DENND2B: variants seen among roughly 807,000 people sequenced by gnomAD.
The protein encoded by DENND2B is DENN domain containing 2B, also known as DENN domain-containing protein 2B.
Under a neutral mutation model 116.0 loss-of-function variants are expected in DENND2B, and 32 were observed. The observed-to-expected ratio is 0.28, with a 90% CI of 0.21 to 0.37. The LOEUF is 0.37. Ranked by LOEUF, DENND2B falls within the 10% of genes least tolerant of loss-of-function variation. DENND2B has a pLI of 1.00. For synonymous variants in DENND2B, 588 were observed against 583.9 expected (o/e 1.01, Z -0.10); for missense variants, 1,276 against 1,477.7 (o/e 0.86, Z 2.24).
At chr11:8,859,376 C>G (rs948842064) in intron 2 of DENND2B, among the ~76,000 whole-genome samples, 2 of 151,836 alleles carry the variant, frequency 1.3e-5, no homozygotes, top group African/African-American at 4.8e-5. Flanking sequence ...GGCGCGATCT[C>G]GGCTCACTGC....
chr11:8,895,409 A>G (rs1366420254), intron 1 of DENND2B: 2 of 152,336 alleles, frequency 1.3e-5, no homozygotes, highest in East Asian at 3.9e-4. Context: ...AAATTTTAAA[A>G]AAAATGGATG....
At chr11:8,784,764 G>A (rs542772780) in intron 1 of DENND2B, among the ~76,000 whole-genome samples, 7 of 151,874 alleles carry the variant, frequency 4.6e-5, no homozygotes, top group African/African-American at 1.7e-4. Context: ...CTTGAACCTG[G>A]GAGGTGGAGG....
rs1367610451 is a variant in DENND2B, at chr11:8,697,537, C to T, written c.3040G>A (p.Asp1014Asn). 6.2e-6 allele frequency: 10 copies of T among 1,613,862 alleles called. No homozygotes were observed. Among genetic ancestry groups the T allele is most frequent in the Non-Finnish European group, 8.5e-6 (10 of 1,179,830 alleles). The change falls in exon 17 of 20, where the codon GAC becomes AAC. Residue 1014 changes from aspartate to asparagine, a missense_variant. This residue lies in a region of DENND2B where 420 missense variants were observed against 631.1 expected (regional missense o/e 0.67). Coordinates refer to ENST00000313726, the MANE Select transcript of DENND2B (RefSeq NM_213618.2). ...NELISQDSDS[D>N]SDDECNTLNG... ...GCACTATTCTCACCATCGTCGGAGT[C>T]GCTGTCAGAGTCCTGGGAGATCAGC...
chr11:8,779,232 A>C (rs1443071708), intron 1 of DENND2B, among the ~76,000 whole-genome samples: 5 of 152,238 alleles, frequency 3.3e-5, no homozygotes, highest in Admixed American at 1.3e-4. Flanking sequence ...AAGGACAAAC[A>C]GTAGCTGGAC....
chr11:8,731,917 G>A (rs998690017), intron 2 of DENND2B, among the ~76,000 whole-genome samples: 8 of 152,138 alleles, frequency 5.3e-5, no homozygotes, highest in African/African-American at 1.9e-4. Context: ...TCCCTGAAGT[G>A]GCCCCCAAAT....
intron 1 of DENND2B, among the ~76,000 whole-genome samples, chr11:8,796,793 G>A (rs531913564): frequency 6.3e-4 from 96 of 152,222 alleles, no homozygotes; most frequent in African/African-American, 2.2e-3. Context: ...ACTACTTATG[G>A]AGCGTTAAGG....
chr11:8,767,209 T>G (rs188558590), intron 1 of DENND2B, among the ~76,000 whole-genome samples: 4 of 152,210 alleles, frequency 2.6e-5, no homozygotes, highest in African/African-American at 9.6e-5. Context: ...CTAAGGACAG[T>G]GACCAGGATG....
chr11:8,707,900 T>C lies in DENND2B; in HGVS notation c.2353-46A>G, dbSNP rs780856597. On this transcript the variant is annotated intron_variant, in intron 11 of 19. Coordinates refer to ENST00000313726, the MANE Select transcript of DENND2B (RefSeq NM_213618.2). The surrounding 1 kb of genome is among the most constrained non-coding windows in gnomAD (Gnocchi z 4.8). ...GGAGGAGAGAGACAGACACAGAGAATGCATGATTACCATTTCTGGCTCCTT... is the reference window on the plus strand; with the variant it reads ...GGAGGAGAGAGACAGACACAGAGAACGCATGATTACCATTTCTGGCTCCTT... 6.3e-7 allele frequency: 1 copy of C among 1,578,656 alleles called. No homozygotes were observed. The highest frequency in any genetic ancestry group is 8.6e-7 in the Non-Finnish European group (1 of 1,162,662).
intron 1 of DENND2B, among the ~76,000 whole-genome samples, chr11:8,773,223 G>T (rs1276159844): frequency 6.6e-6 from 1 of 152,032 alleles, no homozygotes; most frequent in Admixed American, 6.5e-5. Context: ...AAGCACACCA[G>T]CTACCTAGGG....
At chr11:8,865,330 A>C (rs2063537094) in intron 2 of DENND2B, among the ~76,000 whole-genome samples, 1 of 152,202 alleles carries the variant, frequency 6.6e-6, no homozygotes, top group Non-Finnish European at 1.5e-5. Context: ...ACAATTACTT[A>C]TGCTGATAGA....
chr11:8,707,317 C>T lies in DENND2B; in HGVS notation c.2431-92G>A. On this transcript the variant is annotated intron_variant, in intron 12 of 19. Transcript: ENST00000313726. This position sits in a 1 kb window ranked among gnomAD's most constrained non-coding sequence, Gnocchi z 4.8. The stretch of plus-strand genomic sequence containing the variant: ...AGAAGAGGGCAGCCAAGCATCTGAC[C>T]AGGCTAGCCCAGAAGCTGGGAGACG... The T allele has an allele frequency of 6.7e-7, 1 of 1,487,762 alleles. No homozygotes were observed. The highest frequency in any genetic ancestry group is 2.2e-5 in the Admixed American group (1 of 45,632). The allele number at this position is 1,487,762 out of a possible 1,614,324, so 92.2% of individuals were successfully genotyped here. A position where few individuals can be genotyped will look rare whatever the true frequency, so the allele number is the denominator to read the frequency against.
intron 4 of DENND2B, among the ~76,000 whole-genome samples, chr11:8,828,706 C>T (rs538379175): frequency 2.6e-5 from 4 of 152,136 alleles, no homozygotes; most frequent in East Asian, 3.9e-4. Context: ...GCTTCTGACC[C>T]GGATGGCTGA....
At chr11:8,901,245 T>G (rs965756719) in intron 1 of DENND2B, among the ~76,000 whole-genome samples, 3 of 145,076 alleles carry the variant, frequency 2.1e-5, no homozygotes, top group Non-Finnish European at 3.0e-5. Flanking sequence ...TTTTTTTTTT[T>G]TTGAGATGGA....
At chr11:8,835,848 C>T (rs963202854) in intron 4 of DENND2B, 2 of 152,186 alleles carry the variant, frequency 1.3e-5, no homozygotes, top group African/African-American at 2.4e-5. Flanking sequence ...CGTTGGCATT[C>T]GCAAGGAACA....
chr11:8,890,271 A>T (rs1360186134), intron 1 of DENND2B, among the ~76,000 whole-genome samples: 1 of 152,250 alleles, frequency 6.6e-6, no homozygotes, highest in Non-Finnish European at 1.5e-5. Flanking sequence ...CCAAAGGTAG[A>T]TAAAACCACA....
At chr11:8,768,055 C>T (rs961761234) in intron 1 of DENND2B, among the ~76,000 whole-genome samples, 5 of 151,836 alleles carry the variant, frequency 3.3e-5, no homozygotes, top group Non-Finnish European at 7.4e-5. Flanking sequence ...TCTTTCTGAG[C>T]TGGGAGAGGC....
At chr11:8,894,391 G>C (rs1252549940) in intron 1 of DENND2B, among the ~76,000 whole-genome samples, 2 of 151,996 alleles carry the variant, frequency 1.3e-5, no homozygotes, top group Non-Finnish European at 2.9e-5. Flanking sequence ...AGCGAAAATT[G>C]ACAAATGGGA....
intron 1 of DENND2B, among the ~76,000 whole-genome samples, chr11:8,792,653 A>G (rs2059486226): frequency 6.6e-6 from 1 of 152,258 alleles, no homozygotes; most frequent in Admixed American, 6.5e-5. Context: ...AATAAAATCA[A>G]CTACCAGAAA....
chr11:8,737,653 TTCTC>T (rs140811060), intron 2 of DENND2B, among the ~76,000 whole-genome samples: 5,972 of 147,790 alleles, frequency 0.04, 334 homozygotes, highest in East Asian at 0.13. Context: ...GGAAGCATCT[TTCTC>T]TCTCTTTTTC....
Sources: gnomAD v4.1 joint callset for allele counts (sites outside exome capture counted in the v4.1 genomes callset) on GRCh38, gnomAD v4.1.1 for gene constraint, gnomAD v4.1.1 regional missense constraint, Gnocchi (gnomAD v3.1) non-coding constraint, MANE v1.5 for transcripts, NCBI Gene and HGNC (gene_info 2026-07-23, HGNC 2026-07-21) for gene names.